Variants in JAKMIP3 observed in about 807,000 individuals in gnomAD.
JAKMIP3 encodes janus kinase and microtubule-interacting protein 3.
JAKMIP3 carries 58 observed loss-of-function variants against 118.5 expected under a neutral mutation model. That is an observed-to-expected ratio of 0.49 (90% confidence interval 0.40 to 0.61). The LOEUF is 0.61. JAKMIP3 is among the 20% of genes least tolerant of loss of function. The pLI is 0.00. For missense variants in JAKMIP3, 950 were observed against 1,109.0 expected (o/e 0.86, Z 2.04); for synonymous variants, 486 against 451.2 (o/e 1.08, Z -0.98).
chr10:132,120,037 C>T (rs1283785432), intron 3 of JAKMIP3, among the ~76,000 whole-genome samples: 1 of 152,186 alleles, frequency 6.6e-6, no homozygotes, highest in Admixed American at 6.5e-5. Flanking sequence ...TCCATGGAGT[C>T]GTAGAATAGC....
intron 1 of JAKMIP3, among the ~76,000 whole-genome samples, chr10:132,100,527 C>T (rs1022395874): frequency 1.3e-5 from 2 of 152,142 alleles, no homozygotes; most frequent in Admixed American, 1.3e-4. Context: ...TTCTCTGCAC[C>T]CTGGTTCCTT....
Position 132,184,590 on chromosome 10 carries a change from T to C in JAKMIP3, c.*3337T>C, listed in dbSNP as rs1246607295. The C allele has an allele frequency of 6.6e-6, 1 of 152,200 alleles. No homozygotes were observed. The highest frequency in any genetic ancestry group is 6.5e-5 in the Admixed American group (1 of 15,284). The allele number at this position is 152,200 out of a possible 1,614,324, so 9.4% of individuals were successfully genotyped here. ...TTTCTTACGGCGGCATGCCAGGTAGTGTGTGTATTCTCCCAGGCACTCCCT... is the reference window on the plus strand; with the variant it reads ...TTTCTTACGGCGGCATGCCAGGTAGCGTGTGTATTCTCCCAGGCACTCCCT... On this transcript the variant is annotated 3_prime_UTR_variant, in exon 24 of 24. Coordinates refer to ENST00000684848, the MANE Select transcript of JAKMIP3 (RefSeq NM_001323087.2).
intron 16 of JAKMIP3, among the ~76,000 whole-genome samples, chr10:132,151,511 G>A (rs939104315): frequency 2.0e-5 from 3 of 152,224 alleles, no homozygotes; most frequent in African/African-American, 7.2e-5. Context: ...ATAGGTGGCC[G>A]AAGAGCCACA....
chr10:132,112,173 G>A lies in JAKMIP3; in HGVS notation c.136-4904G>A, dbSNP rs1373523916. ...GGCCGGAGGACATCAAGGACTCTGC[G>A]TGAGACAGGACACCGTGGAGCCTCA... is the stretch of plus-strand genomic sequence containing the variant. On this transcript the variant is annotated intron_variant, in intron 2 of 23. Transcript: ENST00000684848. The surrounding 1 kb of genome is among the most constrained non-coding windows in gnomAD (Gnocchi z 4.3). Among the ~76,000 whole-genome samples, 1 of 152,124 alleles carries A rather than the reference G, an allele frequency of 6.6e-6. No homozygotes were observed. Among genetic ancestry groups the A allele is most frequent in the Admixed American group, 6.5e-5 (1 of 15,278 alleles).
At chr10:132,080,962 G>A (rs759870540) in intron 1 of JAKMIP3, among the ~76,000 whole-genome samples, 1 of 152,134 alleles carries the variant, frequency 6.6e-6, no homozygotes, top group African/African-American at 2.4e-5. Context: ...TTTTGCCATA[G>A]TCCAGTTTAT....
intron 1 of JAKMIP3, among the ~76,000 whole-genome samples, chr10:132,085,330 G>T (rs186203736): frequency 6.6e-6 from 1 of 152,080 alleles, no homozygotes; most frequent in Non-Finnish European, 1.5e-5. Context: ...ATCCATCTCC[G>T]CTAGGTTTTC....
Position 132,117,600 on chromosome 10 carries a change from TGGGCGAGGGTGCAGGGGC to T in JAKMIP3, c.633+32_633+49del. The T allele has an allele frequency of 9.9e-6, 8 of 809,724 alleles. No individual in the cohort carries two copies. The Admixed American group carries it at 1.6e-4, about 17-fold the overall frequency. 50.2% of individuals were successfully genotyped at this position (809,724 alleles called of 1,614,324 possible). ...GTACGTGGGCAGGCAGGGGCGGGCG[TGGGCGAGGGTGCAGGGGC>T]GGGCGTGGGCGAGGGTGCAGGGGCG... On this transcript the variant is annotated intron_variant, in intron 3 of 23. Coordinates refer to ENST00000684848, the MANE Select transcript of JAKMIP3 (RefSeq NM_001323087.2). The surrounding 1 kb of genome is among the most constrained non-coding windows in gnomAD (Gnocchi z 8.6).
intron 3 of JAKMIP3, among the ~76,000 whole-genome samples, chr10:132,121,276 G>A (rs1287026694): frequency 6.6e-6 from 1 of 152,158 alleles, no homozygotes; most frequent in Non-Finnish European, 1.5e-5. Context: ...CAGGTTCCAG[G>A]ACAGCCGCCA....
chr10:132,161,845 G>T (rs1260864705), intron 19 of JAKMIP3, among the ~76,000 whole-genome samples: 1 of 81,640 alleles, frequency 1.2e-5, no homozygotes, highest in Non-Finnish European at 2.6e-5. Context: ...AAGCTAGGGG[G>T]TCTTTTCTTG....
upstream of JAKMIP3, among the ~76,000 whole-genome samples, chr10:132,063,799 A>AG (rs2038492954): frequency 6.6e-6 from 1 of 152,228 alleles, no homozygotes; most frequent in Non-Finnish European, 1.5e-5. Flanking sequence ...AAATACATAC[A>AG]ATTCAGAAAG....
In JAKMIP3 at chr10:132,104,654, G is replaced by T. The variant is rs934134893; in HGVS notation, c.-137-18G>T. Reference sequence around the variant, plus strand: ...GCTCCGGAGGGAGCTGCTCACCGCGGTGTGCTTTCCCCTCCAGGTGAATGA... The same window carrying T: ...GCTCCGGAGGGAGCTGCTCACCGCGTTGTGCTTTCCCCTCCAGGTGAATGA... On this transcript the variant is annotated intron_variant, in intron 1 of 23. Coordinates refer to ENST00000684848, the MANE Select transcript of JAKMIP3 (RefSeq NM_001323087.2). 6 of 759,704 alleles carry T rather than the reference G, an allele frequency of 7.9e-6. No homozygotes were observed. The highest frequency in any genetic ancestry group is 1.3e-5 in the Non-Finnish European group (6 of 471,892). 47.1% of individuals were successfully genotyped at this position (759,704 alleles called of 1,614,324 possible). A position where few individuals can be genotyped will look rare whatever the true frequency, so the allele number is the denominator to read the frequency against.
intron 1 of JAKMIP3, among the ~76,000 whole-genome samples, chr10:132,067,459 C>T (rs1286974065): frequency 3.9e-5 from 6 of 152,224 alleles, no homozygotes; most frequent in African/African-American, 1.4e-4. Context: ...AATATCCAAA[C>T]GACCAGGTGG....
intron 3 of JAKMIP3, among the ~76,000 whole-genome samples, chr10:132,120,498 A>T (rs2048370955): frequency 6.6e-6 from 1 of 152,228 alleles, no homozygotes; most frequent in Non-Finnish European, 1.5e-5. Context: ...CCTCAGCCCC[A>T]TTCCCAGAGC....
intron 3 of JAKMIP3, among the ~76,000 whole-genome samples, chr10:132,120,039 T>C (rs1328263198): frequency 2.0e-5 from 3 of 152,202 alleles, no homozygotes; most frequent in African/African-American, 7.2e-5. Flanking sequence ...CATGGAGTCG[T>C]AGAATAGCCT....
intron 20 of JAKMIP3, 136 bp from the exon 21 acceptor site, chr10:132,164,534 G>C: frequency 4.6e-6 from 3 of 649,692 alleles, no homozygotes; most frequent in Non-Finnish European, 8.3e-6. Context: ...TTGTGTCCTC[G>C]TCAGGAGCCA....
intron 1 of JAKMIP3, among the ~76,000 whole-genome samples, chr10:132,099,379 G>A (rs2044469071): frequency 6.6e-6 from 1 of 152,214 alleles, no homozygotes; most frequent in South Asian, 2.1e-4. Context: ...GCCTTCAGAT[G>A]ATGACTGGGA....
chr10:132,087,466 T>C (rs1315991986), intron 1 of JAKMIP3, among the ~76,000 whole-genome samples: 1 of 152,154 alleles, frequency 6.6e-6, no homozygotes, highest in Non-Finnish European at 1.5e-5. Context: ...TACAGACTTT[T>C]AGATTTCTCT....
At chr10:132,103,372 G>A (rs1301723390) in intron 1 of JAKMIP3, among the ~76,000 whole-genome samples, 2 of 148,188 alleles carry the variant, frequency 1.3e-5, no homozygotes, top group Admixed American at 6.8e-5. Flanking sequence ...ATCAGGGGGA[G>A]AGAGGAACAT....
intron 23 of JAKMIP3, among the ~76,000 whole-genome samples, chr10:132,181,919 G>A (rs1035037271): frequency 5.3e-5 from 8 of 152,122 alleles, no homozygotes; most frequent in African/African-American, 1.4e-4. Context: ...TCCGGGGCCC[G>A]CCCTTGTGAA....
Sources: gnomAD v4.1 joint callset for allele counts (sites outside exome capture counted in the v4.1 genomes callset) on GRCh38, gnomAD v4.1.1 for gene constraint, Gnocchi (gnomAD v3.1) non-coding constraint, MANE v1.5 for transcripts, NCBI Gene and HGNC (gene_info 2026-07-23, HGNC 2026-07-21) for gene names.